The following SMARCA2 variants were observed in gnomAD, a reference collection of about 807,000 sequenced individuals.
The protein encoded by SMARCA2 is SWI/SNF-related matrix-associated actin-dependent regulator of chromatin subfamily A member 2.
A neutral mutation model predicts 199.8 loss-of-function variants in SMARCA2; 61 were observed. The ratio of observed to expected loss-of-function variants is 0.31; its 90% CI spans 0.25 to 0.38. SMARCA2 has a LOEUF of 0.38. Among genes scored for constraint, SMARCA2 ranks in the 10% least tolerant of loss-of-function variants. The probability of loss-of-function intolerance (pLI) is 1.00; values close to 1 mark genes in which losing one functional copy is unlikely to be tolerated. For synonymous variants in SMARCA2, 935 were observed against 732.0 expected (o/e 1.28, Z -4.48); for missense variants, 1,344 against 2,012.2 (o/e 0.67, Z 6.35).
At chr9:2,032,536 T>C (rs1563718964) in intron 2 of SMARCA2, 1 of 156,102 alleles carries the variant, frequency 6.4e-6, no homozygotes, top group Non-Finnish European at 1.4e-5. Context: ...TCCCTTCCAA[T>C]GAAGAAAAAT....
chr9:2,122,441 G>T (rs1223685400), intron 26 of SMARCA2, among the ~76,000 whole-genome samples: 1 of 152,116 alleles, frequency 6.6e-6, no homozygotes, highest in Non-Finnish European at 1.5e-5. Context: ...AAGGTTTGGT[G>T]GATCCATTTC....
chr9:2,078,162 C>T (rs1418311005), intron 14 of SMARCA2, among the ~76,000 whole-genome samples: 1 of 152,162 alleles, frequency 6.6e-6, no homozygotes, highest in African/African-American at 2.4e-5. Context: ...CTGTCTACTA[C>T]ATTTATGCTT....
intron 14 of SMARCA2, among the ~76,000 whole-genome samples, chr9:2,080,464 C>T (rs1052707717): frequency 6.6e-6 from 1 of 152,218 alleles, no homozygotes; most frequent in Non-Finnish European, 1.5e-5. Context: ...AACAAAAATT[C>T]ATCCTACAGA....
chr9:2,043,584 A>C (rs1369144201), intron 4 of SMARCA2: 3 of 152,190 alleles, frequency 2.0e-5, no homozygotes, highest in Non-Finnish European at 4.4e-5. Flanking sequence ...TGCTCAATTT[A>C]AATGTTTTAT....
chr9:2,063,938 G>A (rs1563742568), intron 9 of SMARCA2, among the ~76,000 whole-genome samples: 1 of 152,054 alleles, frequency 6.6e-6, no homozygotes, highest in African/African-American at 2.4e-5. Flanking sequence ...TTTCAGCCTG[G>A]TCTTCCATTA....
At chr9:2,165,878 C>T (rs1825907785) in intron 28 of SMARCA2, among the ~76,000 whole-genome samples, 1 of 152,146 alleles carries the variant, frequency 6.6e-6, no homozygotes, top group African/African-American at 2.4e-5. Context: ...ATGTTTAGCT[C>T]TGCCTGGCCC....
intron 5 of SMARCA2, among the ~76,000 whole-genome samples, chr9:2,049,422 A>G (rs887599475): frequency 2.0e-5 from 3 of 152,158 alleles, no homozygotes; most frequent in Admixed American, 6.5e-5. Context: ...CTGCCCTCCT[A>G]TGTCAATAAA....
At chr9:2,079,650 A>C (rs182726193) in intron 14 of SMARCA2, among the ~76,000 whole-genome samples, 1 of 152,326 alleles carries the variant, frequency 6.6e-6, no homozygotes, top group Admixed American at 6.5e-5. Flanking sequence ...TCTGAGGACC[A>C]CTGCTCTGGC....
chr9:2,170,317 G>C lies in SMARCA2; in HGVS notation c.4200-102G>C. The stretch of plus-strand genomic sequence containing the variant: ...CTTCCTAACAAGGCAGGTTGGTGAG[G>C]AGACTGAGGCTTGGCCAGGTCACCC... On this transcript the variant is annotated intron_variant, in intron 28 of 33. Coordinates refer to ENST00000349721, the MANE Select transcript of SMARCA2 (RefSeq NM_003070.5). The surrounding 1 kb of genome is among the most constrained non-coding windows in gnomAD (Gnocchi z 4.7). 11 of 1,463,508 alleles carry C rather than the reference G, an allele frequency of 7.5e-6. No individual in the cohort carries two copies. Among genetic ancestry groups the C allele is most frequent in the Non-Finnish European group, 1.0e-5 (11 of 1,066,282 alleles). The allele number at this position is 1,463,508 out of a possible 1,614,324, so 90.7% of individuals were successfully genotyped here.
intron 29 of SMARCA2, 152 bp from the exon 30 acceptor site, chr9:2,181,419 T>C: frequency 1.7e-6 from 1 of 593,342 alleles, no homozygotes; most frequent in Non-Finnish European, 3.0e-6. Context: ...CAATCTCCAA[T>C]AGAGTTGTGG....
intron 1 of SMARCA2, among the ~76,000 whole-genome samples, chr9:2,023,723 C>A (rs929644602): frequency 1.3e-5 from 2 of 152,212 alleles, no homozygotes; most frequent in African/African-American, 4.8e-5. Flanking sequence ...CTTACCCACC[C>A]CGCACTGCTT....
intron 27 of SMARCA2, among the ~76,000 whole-genome samples, chr9:2,136,983 C>G (rs932812316): frequency 3.3e-5 from 5 of 152,296 alleles, no homozygotes; most frequent in Non-Finnish European, 5.9e-5. Context: ...GCCAAGCAGT[C>G]TGGCCTCCAG....
chr9:2,100,224 A>G (rs896436042), intron 21 of SMARCA2, among the ~76,000 whole-genome samples: 2 of 152,204 alleles, frequency 1.3e-5, no homozygotes, highest in African/African-American at 4.8e-5. Context: ...GAGAACAGTC[A>G]TTTCTCATAA....
At chr9:2,049,794 C>T (rs1820038229) in intron 5 of SMARCA2, among the ~76,000 whole-genome samples, 1 of 152,218 alleles carries the variant, frequency 6.6e-6, no homozygotes, top group Admixed American at 6.5e-5. Flanking sequence ...TTGCAAAAGA[C>T]AACAAATGAA....
intron 4 of SMARCA2, chr9:2,045,334 T>C (rs1407515796): frequency 6.6e-6 from 1 of 152,198 alleles, no homozygotes; most frequent in African/African-American, 2.4e-5. Flanking sequence ...AGGAGAGTCA[T>C]AGAATCATAG....
At chr9:2,144,858 G>T (rs1824650981) in intron 27 of SMARCA2, among the ~76,000 whole-genome samples, 1 of 152,064 alleles carries the variant, frequency 6.6e-6, no homozygotes, top group Non-Finnish European at 1.5e-5. Context: ...TTGCTGCTGA[G>T]GACATCCAGA....
intron 24 of SMARCA2, among the ~76,000 whole-genome samples, chr9:2,113,255 A>G (rs1823081174): frequency 6.7e-6 from 1 of 148,200 alleles, no homozygotes; most frequent in South Asian, 2.1e-4. Context: ...GTGATTGTGG[A>G]ATTAACAAAA....
At chr9:2,029,758 G>A (rs1256587283) in intron 2 of SMARCA2, among the ~76,000 whole-genome samples, 1 of 152,180 alleles carries the variant, frequency 6.6e-6, no homozygotes, top group African/African-American at 2.4e-5. Context: ...AATGCACATT[G>A]CTGTCTCTCT....
chr9:2,039,550 A>T lies in SMARCA2; in HGVS notation c.440A>T (p.Gln147Leu), dbSNP rs200749632. 6.2e-7 allele frequency: 1 copy of T among 1,614,168 alleles called. No individual in the cohort carries two copies. The highest frequency in any genetic ancestry group is 8.5e-7 in the Non-Finnish European group (1 of 1,180,020). The stretch of plus-strand genomic sequence containing the variant: ...TCTGGAGGAGGCCCAACTCCACCTC[A>T]GATGCCACCAAGCCAGCCGGGGGCC... ...PMSGGGPTPP[Q>L]MPPSQPGALI... The change falls in exon 4 of 34, where the codon CAG becomes CTG. Residue 147 changes from glutamine (Q) to leucine (L), a missense_variant. Gln to Leu is a moderately radical substitution (Grantham distance 113). This residue lies in a region of SMARCA2 where 275 missense variants were observed against 247.5 expected (regional missense o/e 1.11). Coordinates refer to ENST00000349721, the MANE Select transcript of SMARCA2 (RefSeq NM_003070.5). The surrounding 1 kb of genome is among the most constrained non-coding windows in gnomAD (Gnocchi z 4.8).
Sources: gnomAD v4.1 joint callset for allele counts (sites outside exome capture counted in the v4.1 genomes callset) on GRCh38, gnomAD v4.1.1 for gene constraint, gnomAD v4.1.1 regional missense constraint, Gnocchi (gnomAD v3.1) non-coding constraint, MANE v1.5 for transcripts, NCBI Gene and HGNC (gene_info 2026-07-23, HGNC 2026-07-21) for gene names.